Variants in SUPT3H observed in about 807,000 individuals in gnomAD.
The protein encoded by SUPT3H is transcription initiation protein SPT3 homolog.
In SUPT3H, 44 loss-of-function variants were observed where a neutral mutation model predicts 44.3. That is an observed-to-expected ratio of 0.99 (90% CI 0.78 to 1.28). SUPT3H has a LOEUF of 1.28. SUPT3H is among the 50% of genes most tolerant of loss of function. The pLI is 0.00. For missense variants in SUPT3H, 380 were observed against 387.1 expected (o/e 0.98, Z 0.15); for synonymous variants, 124 against 125.6 (o/e 0.99, Z 0.09).
At chr6:45,326,038 C>A (rs1365110182) in intron 2 of SUPT3H, among the ~76,000 whole-genome samples, 1 of 151,556 alleles carries the variant, frequency 6.6e-6, no homozygotes, top group African/African-American at 2.4e-5. Context: ...AAATCCTGGT[C>A]CAAAAATTAC....
At chr6:44,961,958 T>C (rs1776093959) in intron 6 of SUPT3H, 130 bp from the exon 7 acceptor site, 2 of 564,224 alleles carry the variant, frequency 3.5e-6, no homozygotes, top group East Asian at 3.0e-5. Flanking sequence ...TACTACCACA[T>C]AGATCACGAT....
At chr6:44,869,645 GA>G (rs1436091586) in intron 10 of SUPT3H, among the ~76,000 whole-genome samples, 2 of 152,298 alleles carry the variant, frequency 1.3e-5, no homozygotes, top group East Asian at 3.9e-4. Context: ...CCATGAATCA[GA>G]AAGCTCTTTT....
rs1777921043 is a variant in SUPT3H at position 44,973,726 on chromosome 6, T to C, written c.505-11898A>G. Among the ~76,000 whole-genome samples, 7 of 152,220 alleles carry C rather than the reference T, an allele frequency of 4.6e-5. No homozygotes were observed. In the South Asian group the frequency reaches 1.2e-3, roughly 27 times the overall value. ...TAATTTATAAAGGAAAATGGTTTAATTGACTCACAGTTCTGCAGGGCTGGG... is the reference window on the plus strand; with the variant it reads ...TAATTTATAAAGGAAAATGGTTTAACTGACTCACAGTTCTGCAGGGCTGGG... On this transcript the variant is annotated intron_variant, in intron 6 of 10. Transcript: ENST00000371459.
chr6:45,339,797 A>C (rs1267148779), intron 2 of SUPT3H, among the ~76,000 whole-genome samples: 1 of 152,188 alleles, frequency 6.6e-6, no homozygotes, highest in Non-Finnish European at 1.5e-5. Context: ...ATTTTGAAAA[A>C]TCAATGTAAC....
intron 10 of SUPT3H, among the ~76,000 whole-genome samples, chr6:44,906,719 G>A (rs993628390): frequency 2.6e-5 from 4 of 152,214 alleles, no homozygotes; most frequent in Admixed American, 2.0e-4. Context: ...CCGAGACTGC[G>A]CCACTGCACT....
chr6:45,174,277 C>A (rs1219091740), intron 2 of SUPT3H, among the ~76,000 whole-genome samples: 2 of 152,200 alleles, frequency 1.3e-5, no homozygotes, highest in Non-Finnish European at 2.9e-5. Context: ...ATGTGATCCT[C>A]AGGTTTGTCA....
intron 2 of SUPT3H, among the ~76,000 whole-genome samples, chr6:45,269,416 T>C (rs1775763850): frequency 1.3e-5 from 2 of 152,214 alleles, no homozygotes; most frequent in African/African-American, 4.8e-5. Context: ...GACTATACCA[T>C]TTTAATCATC....
chr6:45,308,356 G>A (rs546235383), intron 2 of SUPT3H, among the ~76,000 whole-genome samples: 7 of 152,242 alleles, frequency 4.6e-5, no homozygotes, highest in East Asian at 3.9e-4. Context: ...GAAAAAGGTC[G>A]GGTTACCCAC....
rs184763957 is a variant in SUPT3H, at chr6:45,037,907, A to G, written c.187-17275T>C. ...GTATTTTTCAAATTCTCTACAATTAACTTTTCTTACTTTTACACTAATACA... is the reference window on the plus strand; with the variant it reads ...GTATTTTTCAAATTCTCTACAATTAGCTTTTCTTACTTTTACACTAATACA... On this transcript the variant is annotated intron_variant, in intron 3 of 10. Coordinates refer to ENST00000371459, the MANE Select transcript of SUPT3H (RefSeq NM_003599.4). Among the ~76,000 whole-genome samples the G allele has an allele frequency of 2.3e-3, 354 of 152,090 alleles. 4 individuals are homozygous for G. The highest frequency in any genetic ancestry group is 7.6e-3 in the African/African-American group (316 of 41,524).
chr6:45,027,041 G>A (rs1393586634), intron 3 of SUPT3H, among the ~76,000 whole-genome samples: 1 of 138,648 alleles, frequency 7.2e-6, no homozygotes, highest in African/African-American at 2.7e-5. Context: ...CCAGGCTGGA[G>A]TGCAGTGGTG....
chr6:44,816,281 A>G (rs914762471), intron 11 of SUPT3H, among the ~76,000 whole-genome samples: 3 of 152,220 alleles, frequency 2.0e-5, no homozygotes, highest in African/African-American at 7.2e-5. Context: ...TAGGAATTAA[A>G]AAGAGGAGTG....
At chr6:45,162,667 G>A (rs752294759) in intron 2 of SUPT3H, among the ~76,000 whole-genome samples, 1 of 152,134 alleles carries the variant, frequency 6.6e-6, no homozygotes, top group Non-Finnish European at 1.5e-5. Flanking sequence ...TGTTTACAAC[G>A]CTATGAGATG....
chr6:45,052,008 T>G (rs1281962812), intron 3 of SUPT3H, among the ~76,000 whole-genome samples: 2 of 152,166 alleles, frequency 1.3e-5, no homozygotes, highest in Admixed American at 1.3e-4. Flanking sequence ...ACATGGCTAC[T>G]GAAATGATCA....
intron 9 of SUPT3H, among the ~76,000 whole-genome samples, chr6:44,935,655 A>AT (rs1374279935): frequency 2.6e-5 from 4 of 152,066 alleles, no homozygotes; most frequent in Non-Finnish European, 2.9e-5. Flanking sequence ...GTATCCTTCC[A>AT]TTTTTGTATT....
chr6:45,263,518 T>C (rs1774738146), intron 2 of SUPT3H, among the ~76,000 whole-genome samples: 1 of 152,084 alleles, frequency 6.6e-6, no homozygotes, highest in African/African-American at 2.4e-5. Context: ...GTTGAAAAAC[T>C]ACATATTGAG....
At chr6:45,167,758 CTTCACTCA>C (rs1810129121) in intron 2 of SUPT3H, among the ~76,000 whole-genome samples, 1 of 151,428 alleles carries the variant, frequency 6.6e-6, no homozygotes, top group Non-Finnish European at 1.5e-5. Context: ...ACAGCAATAT[CTTCACTCA>C]AGTTTTGACT....
chr6:45,054,625 C>A (rs1382595373), intron 3 of SUPT3H, among the ~76,000 whole-genome samples: 1 of 150,926 alleles, frequency 6.6e-6, no homozygotes, highest in Non-Finnish European at 1.5e-5. Flanking sequence ...AAAGATAAAT[C>A]TTTTCTGCCA....
At chr6:45,145,567 A>G (rs1805913173) in intron 2 of SUPT3H, among the ~76,000 whole-genome samples, 1 of 152,174 alleles carries the variant, frequency 6.6e-6, no homozygotes, top group African/African-American at 2.4e-5. Flanking sequence ...TAAGGATTCC[A>G]GAAAATAACA....
At chr6:44,994,823 A>G (rs1042766897) in intron 6 of SUPT3H, among the ~76,000 whole-genome samples, 20 of 152,138 alleles carry the variant, frequency 1.3e-4, no homozygotes, top group Admixed American at 7.9e-4. Context: ...AATCCAATGT[A>G]CATTGTGAAC....
Sources: allele counts gnomAD v4.1 joint callset (sites outside exome capture counted in the v4.1 genomes callset), GRCh38; gene constraint gnomAD v4.1.1; transcripts MANE v1.5; gene names NCBI Gene and HGNC (gene_info 2026-07-23, HGNC 2026-07-21).